The following CSMD3 variants were observed in gnomAD, a reference collection of about 807,000 sequenced individuals.
CSMD3 encodes CUB and Sushi multiple domains 3, also known as CUB and sushi domain-containing protein 3.
CSMD3 carries 177 observed loss-of-function variants against 435.2 expected under a neutral mutation model. That is an observed-to-expected ratio of 0.41 (90% CI 0.36 to 0.46). The LOEUF is 0.46. Among genes scored for constraint, CSMD3 ranks in the 20% least tolerant of loss-of-function variants. CSMD3 has a pLI of 0.34. For missense variants in CSMD3, 4,265 were observed against 4,504.6 expected (o/e 0.95, Z 1.52); for synonymous variants, 1,656 against 1,520.5 (o/e 1.09, Z -2.07).
At chr8:113,374,236 T>C (rs1228319246) in intron 1 of CSMD3, among the ~76,000 whole-genome samples, 2 of 152,084 alleles carry the variant, frequency 1.3e-5, no homozygotes, top group Non-Finnish European at 2.9e-5. Context: ...CATTACAGTC[T>C]GATAATTAGA....
intron 1 of CSMD3, among the ~76,000 whole-genome samples, chr8:113,431,779 G>GTTTGT (rs142699216): frequency 0.019 from 2,799 of 151,014 alleles, 95 homozygotes; most frequent in African/African-American, 0.062. Context: ...TACTTTTTTT[G>GTTTGT]TTTATCAGCT....
At position 113,377,587 on chromosome 8, in the gene CSMD3, T is replaced by G. The variant is rs2094394007; in HGVS notation, c.178+59090A>C. On this transcript the variant is annotated intron_variant, in intron 1 of 70. Coordinates refer to ENST00000297405, the MANE Select transcript of CSMD3 (RefSeq NM_198123.2). ...TCCAAAGAAGGTACACATTTCAATT[T>G]TTCTACGAGTTTGTGTTAGACGGTA... Among the ~76,000 whole-genome samples the G allele has an allele frequency of 3.3e-5, 5 of 152,300 alleles. No homozygotes were observed. The South Asian group carries it at 1.0e-3, about 32-fold the overall frequency.
At position 112,715,716 on chromosome 8, in the gene CSMD3, C is replaced by T. The variant is rs567617516; in HGVS notation, c.1973-25666G>A. 2.0e-5 allele frequency among the ~76,000 whole-genome samples: 3 copies of T among 152,298 alleles called. No homozygotes were observed. In the South Asian group the frequency reaches 6.2e-4, roughly 32 times the overall value. On this transcript the variant is annotated intron_variant, in intron 13 of 70. Coordinates refer to ENST00000297405, the MANE Select transcript of CSMD3 (RefSeq NM_198123.2). ...CTGAATCCAGCTGCACATCAAAAAG[C>T]GTATCCACCATGATGAAGTCGGCTT...
intron 13 of CSMD3, among the ~76,000 whole-genome samples, chr8:112,740,677 C>A (rs1021790783): frequency 6.6e-6 from 1 of 151,758 alleles, no homozygotes; most frequent in Non-Finnish European, 1.5e-5. Context: ...GTAGGGGTTA[C>A]CCAAGAAAGA....
At chr8:112,838,765 G>T (rs767329213) in intron 11 of CSMD3, among the ~76,000 whole-genome samples, 1 of 151,664 alleles carries the variant, frequency 6.6e-6, no homozygotes, top group Admixed American at 6.6e-5. Flanking sequence ...TGTATTATAA[G>T]TGACATACAT....
At chr8:113,081,718 C>G (rs2089572088) in intron 5 of CSMD3, among the ~76,000 whole-genome samples, 2 of 152,120 alleles carry the variant, frequency 1.3e-5, no homozygotes, top group Non-Finnish European at 2.9e-5. Context: ...TGGGACTCTG[C>G]AGATTTCTCC....
chr8:113,205,634 C>T (rs1054287462), intron 3 of CSMD3, among the ~76,000 whole-genome samples: 30 of 152,142 alleles, frequency 2.0e-4, no homozygotes, highest in African/African-American at 7.2e-4. Context: ...ACAGAATGTG[C>T]AGACAGAAGC....
intron 38 of CSMD3, among the ~76,000 whole-genome samples, chr8:112,360,425 G>A (rs1274635479): frequency 6.6e-6 from 1 of 151,928 alleles, no homozygotes; most frequent in African/African-American, 2.4e-5. Context: ...TAAAATGTTT[G>A]TGAAGGTGTT....
intron 6 of CSMD3, among the ~76,000 whole-genome samples, chr8:113,006,572 A>C (rs913457591): frequency 2.0e-5 from 3 of 152,014 alleles, no homozygotes; most frequent in African/African-American, 7.2e-5. Context: ...AAACTCATAC[A>C]GAAATAAGCC....
intron 59 of CSMD3, among the ~76,000 whole-genome samples, chr8:112,279,565 C>T (rs1818430887): frequency 6.6e-6 from 1 of 152,128 alleles, no homozygotes; most frequent in South Asian, 2.1e-4. Flanking sequence ...TACAGCCCAA[C>T]TTAGATTAAA....
At chr8:113,398,987 A>T (rs2094496370) in intron 1 of CSMD3, among the ~76,000 whole-genome samples, 1 of 150,522 alleles carries the variant, frequency 6.6e-6, no homozygotes, top group Non-Finnish European at 1.5e-5. Flanking sequence ...TCTTGTGCAT[A>T]TTCCTCTTTG....
rs191442911 is a variant in CSMD3, at chr8:112,821,684, T to C, written c.1859+8002A>G. Among the ~76,000 whole-genome samples, 74 of 152,344 alleles carry C rather than the reference T, an allele frequency of 4.9e-4. No individual in the cohort carries two copies. The Middle Eastern group carries it at 0.01, about 21-fold the overall frequency. On this transcript the variant is annotated intron_variant, in intron 12 of 70. Transcript: ENST00000297405. ...TCCCATTTGTCAATTTTGGCTTTTG[T>C]TGCAATTGCTTTTGGTGTTTTTGTC...
chr8:112,327,778 T>C (rs1263065479), intron 45 of CSMD3, among the ~76,000 whole-genome samples: 1 of 152,208 alleles, frequency 6.6e-6, no homozygotes, highest in Non-Finnish European at 1.5e-5. Flanking sequence ...TAGTTCTCTG[T>C]TTTTGTCCAA....
intron 4 of CSMD3, among the ~76,000 whole-genome samples, chr8:113,170,579 C>T (rs2092250187): frequency 6.6e-6 from 1 of 152,114 alleles, no homozygotes; most frequent in African/African-American, 2.4e-5. Flanking sequence ...TTAATACCTT[C>T]CTTATCAAGA....
intron 1 of CSMD3, among the ~76,000 whole-genome samples, chr8:113,334,297 A>ATTTTTT (rs2094052880): frequency 7.1e-5 from 9 of 126,276 alleles, no homozygotes; most frequent in Non-Finnish European, 8.0e-5. Context: ...TTTTTTTTTC[A>ATTTTTT]TTTCCAGCCT....
intron 2 of CSMD3, among the ~76,000 whole-genome samples, chr8:113,302,335 A>ATTATATATATTAT: frequency 7.0e-6 from 1 of 143,036 alleles, no homozygotes; most frequent in East Asian, 2.0e-4. Flanking sequence ...ATAATATAAT[A>ATTATATATATTAT]ATAAAAAATA....
chr8:112,299,802 C>A (rs983953709), intron 53 of CSMD3, among the ~76,000 whole-genome samples: 5 of 151,910 alleles, frequency 3.3e-5, no homozygotes, highest in Non-Finnish European at 7.4e-5. Context: ...TTCCTCCTAC[C>A]AACATCCTTT....
At chr8:113,165,386 A>C (rs2092130210) in intron 4 of CSMD3, among the ~76,000 whole-genome samples, 1 of 152,210 alleles carries the variant, frequency 6.6e-6, no homozygotes, top group Non-Finnish European at 1.5e-5. Flanking sequence ...TCCCTAAACA[A>C]TCTGGATTTT....
intron 19 of CSMD3, among the ~76,000 whole-genome samples, chr8:112,648,252 A>C (rs1024561546): frequency 6.6e-6 from 1 of 152,226 alleles, no homozygotes; most frequent in African/African-American, 2.4e-5. Context: ...GTGATACAAT[A>C]GTTGAGTTCA....
Sources: allele counts gnomAD v4.1 joint callset (sites outside exome capture counted in the v4.1 genomes callset), GRCh38; gene constraint gnomAD v4.1.1; transcripts MANE v1.5; gene names NCBI Gene and HGNC (gene_info 2026-07-23, HGNC 2026-07-21).